Variants in ANKMY1 observed in about 807,000 individuals in gnomAD.
The protein encoded by ANKMY1 is ankyrin repeat and MYND domain containing 1.
Under a neutral mutation model 102.0 loss-of-function variants are expected in ANKMY1, and 98 were observed. The observed-to-expected ratio is 0.96, with a 90% CI of 0.82 to 1.14. ANKMY1 has a LOEUF of 1.14. ANKMY1 is among the 50% of genes most tolerant of loss of function. ANKMY1 has a pLI of 0.00. For missense variants in ANKMY1, 1,330 were observed against 1,347.6 expected (o/e 0.99, Z 0.20); for synonymous variants, 582 against 559.9 (o/e 1.04, Z -0.56).
At chr2:240,553,677 C>T in intron 3 of ANKMY1, 1 of 153,160 alleles carries the variant, frequency 6.5e-6, no homozygotes, top group South Asian at 2.0e-4. Flanking sequence ...GGCGGATCAT[C>T]TAAGGTCAGG....
At position 240,507,596 on chromosome 2, in the gene ANKMY1, G is replaced by A. The variant is rs1352264196; in HGVS notation, c.2490C>T (p.Tyr830=). Residue 830 remains tyrosine, a synonymous_variant, in exon 13 of 18, where the codon TAC becomes TAT. Coordinates refer to ENST00000401804, the MANE Select transcript of ANKMY1 (RefSeq NM_001282771.3). ...TGCTGTCCATGTTCCTCTGGTGCTC[G>A]TAGGTCAGGTCACAGGCAACACACA... ...SALCVACDLT[Y]EHQRNMDSKL... 20 of 1,610,820 alleles carry A rather than the reference G, an allele frequency of 1.2e-5. No individual in the cohort carries two copies. The Admixed American group carries it at 1.3e-4, about 11-fold the overall frequency.
intron 9 of ANKMY1, among the ~76,000 whole-genome samples, chr2:240,516,453 G>A (rs547692708): frequency 1.1e-4 from 16 of 152,234 alleles, no homozygotes; most frequent in South Asian, 1.0e-3. Context: ...ATACAGATAC[G>A]TTGTTCCTAT....
At chr2:240,487,989 T>C (rs1330153069) in intron 15 of ANKMY1, among the ~76,000 whole-genome samples, 1 of 152,202 alleles carries the variant, frequency 6.6e-6, no homozygotes, top group Non-Finnish European at 1.5e-5. Flanking sequence ...TTAAATCCCA[T>C]TTGTCTATTT....
chr2:240,506,594 C>T lies in ANKMY1; in HGVS notation c.2526+966G>A, dbSNP rs765566932. On this transcript the variant is annotated intron_variant, in intron 13 of 17. Transcript: ENST00000401804. The surrounding 1 kb of genome is among the most constrained non-coding windows in gnomAD (Gnocchi z 4.9). ...AACAACCTTCCAGACGCCTGAGTCT[C>T]GCCCTTCCCCTTCCAAATGCCTGGG... is the stretch of plus-strand genomic sequence containing the variant. Among the ~76,000 whole-genome samples, 18 of 152,192 alleles carry T rather than the reference C, an allele frequency of 1.2e-4. No individual in the cohort carries two copies. The highest frequency in any genetic ancestry group is 2.4e-4 in the Non-Finnish European group (16 of 67,994).
At chr2:240,526,175 T>A in intron 6 of ANKMY1, 54 bp downstream of exon 6, 1 of 1,604,754 alleles carries the variant, frequency 6.2e-7, no homozygotes, top group Non-Finnish European at 8.5e-7. Context: ...CCCACATGTG[T>A]GACCCTCACA....
intron 9 of ANKMY1, among the ~76,000 whole-genome samples, chr2:240,519,177 G>A (rs1341548666): frequency 6.6e-6 from 1 of 152,266 alleles, no homozygotes; most frequent in East Asian, 1.9e-4. Flanking sequence ...TGGCCCTGGT[G>A]CCAGTTCGTC....
In ANKMY1 at chr2:240,520,267, CCT is replaced by C. The variant is rs2081939921; in HGVS notation, c.2004+93_2004+94del. On this transcript the variant is annotated intron_variant, in intron 9 of 17. Transcript: ENST00000401804. The surrounding 1 kb of genome is among the most constrained non-coding windows in gnomAD (Gnocchi z 4.8). The stretch of plus-strand genomic sequence containing the variant: ...AGGTGGTCGCCTGCAAGAGCCCACC[CCT>C]CTCTTCCGCGCCTAGGTGGAGCGAG... 1.3e-6 allele frequency: 2 copies of C among 1,487,882 alleles called. No individual in the cohort carries two copies. Among genetic ancestry groups the C allele is most frequent in the Non-Finnish European group, 1.8e-6 (2 of 1,105,680 alleles). 92.2% of individuals were successfully genotyped at this position (1,487,882 alleles called of 1,614,324 possible).
chr2:240,480,942 G>C lies in ANKMY1; in HGVS notation c.3041C>G (p.Ala1014Gly), dbSNP rs1041849081. ...CAGCCTGAGGGCCGACCTACCGATG[G>C]CCACCAGGTCCCCGCAGTCCTTCTT... ...FHKKDCGDLV[A>G]IVTQLEQVSR... The change falls in exon 17 of 18, where the codon GCC becomes GGC. Residue 1014 changes from alanine to glycine, a missense_variant. Physicochemically the swap from Ala to Gly is moderately conservative, Grantham distance 60. Transcript: ENST00000401804. The C allele has an allele frequency of 1.9e-6, 3 of 1,605,732 alleles. No homozygotes were observed. Among genetic ancestry groups the C allele is most frequent in the Non-Finnish European group, 2.6e-6 (3 of 1,173,282 alleles).
At chr2:240,507,833 T>A (rs1347252948) in intron 12 of ANKMY1, 142 bp from the exon 13 acceptor site, 2 of 1,036,460 alleles carry the variant, frequency 1.9e-6, no homozygotes, top group Non-Finnish European at 2.7e-6. Flanking sequence ...TTCCCACGGA[T>A]CCTACCCACA....
downstream of ANKMY1, among the ~76,000 whole-genome samples, chr2:240,476,849 C>G (rs548575056): frequency 1.2e-4 from 18 of 152,344 alleles, no homozygotes; most frequent in South Asian, 3.5e-3. Context: ...CTGCTCTCTA[C>G]GCACTCCAGC....
intron 4 of ANKMY1, among the ~76,000 whole-genome samples, chr2:240,541,140 G>A (rs1456015521): frequency 2.0e-5 from 3 of 152,198 alleles, no homozygotes; most frequent in Non-Finnish European, 4.4e-5. Context: ...GGGCTTGTTT[G>A]TAACTGTGTG....
At chr2:240,528,940 C>T in intron 5 of ANKMY1, 97 bp downstream of exon 5, 1 of 1,103,612 alleles carries the variant, frequency 9.1e-7, no homozygotes, top group Non-Finnish European at 1.3e-6. Flanking sequence ...CCTGAGGGAG[C>T]ACTGTCAGTG....
At chr2:240,510,364 T>A (rs977976383) in intron 11 of ANKMY1, among the ~76,000 whole-genome samples, 13 of 141,834 alleles carry the variant, frequency 9.2e-5, no homozygotes, top group African/African-American at 3.3e-4. Flanking sequence ...GACTCCTCCC[T>A]GGGAACCCCT....
At chr2:240,552,817 CAAAT>C in intron 4 of ANKMY1, 93 bp downstream of exon 4, 1 of 1,580,926 alleles carries the variant, frequency 6.3e-7, no homozygotes, top group South Asian at 1.1e-5. Flanking sequence ...TGTAGCTAAA[CAAAT>C]AAACTTCCCC....
the ANKMY1 span, among the ~76,000 whole-genome samples, chr2:240,470,622 C>T: frequency 9.4e-4 from 143 of 152,224 alleles, no homozygotes; most frequent in Middle Eastern, 6.8e-3. Flanking sequence ...AAAAAAGAGC[C>T]AGTAAAAAAC....
At chr2:240,557,404 C>G in intron 1 of ANKMY1, 52 bp from the exon 2 acceptor site, 1 of 1,409,342 alleles carries the variant, frequency 7.1e-7, no homozygotes, top group Non-Finnish European at 9.3e-7. Context: ...CCGCCGCGAA[C>G]TCAGAGGGCG....
chr2:240,550,122 T>C (rs1223304997), intron 4 of ANKMY1, among the ~76,000 whole-genome samples: 1 of 151,756 alleles, frequency 6.6e-6, no homozygotes, highest in Non-Finnish European at 1.5e-5. Flanking sequence ...AACCCAAATG[T>C]CCAACAATGA....
At chr2:240,552,550 CT>C in intron 4 of ANKMY1, among the ~76,000 whole-genome samples, 1 of 152,064 alleles carries the variant, frequency 6.6e-6, no homozygotes, top group East Asian at 1.9e-4. Flanking sequence ...GTAAATTATA[CT>C]GTAATAAAAG....
intron 17 of ANKMY1, 87 bp downstream of exon 17, chr2:240,480,850 A>C: frequency 6.8e-7 from 1 of 1,463,476 alleles, no homozygotes; most frequent in Non-Finnish European, 9.1e-7. Flanking sequence ...TTGGGAAATG[A>C]GGGTGCCCCT....
Sources: allele counts gnomAD v4.1 joint callset (sites outside exome capture counted in the v4.1 genomes callset), GRCh38; gene constraint gnomAD v4.1.1; non-coding constraint Gnocchi (gnomAD v3.1); transcripts MANE v1.5; gene names NCBI Gene and HGNC (gene_info 2026-07-23, HGNC 2026-07-21).